PRKG1: variants seen among roughly 807,000 people sequenced by gnomAD.
PRKG1 encodes protein kinase cGMP-dependent 1.
Under a neutral mutation model 88.1 loss-of-function variants are expected in PRKG1, and 35 were observed. That is an observed-to-expected ratio of 0.40 (90% CI 0.30 to 0.53). The LOEUF is 0.53. PRKG1 is among the 20% of genes least tolerant of loss of function. The pLI is 0.59. For synonymous variants in PRKG1, 303 were observed against 292.5 expected (o/e 1.04, Z -0.37); for missense variants, 540 against 839.8 (o/e 0.64, Z 4.41).
intron 7 of PRKG1, among the ~76,000 whole-genome samples, chr10:52,113,101 T>C (rs1291894006): frequency 6.6e-6 from 1 of 152,178 alleles, no homozygotes; most frequent in African/African-American, 2.4e-5. Flanking sequence ...TAGTGTTCTT[T>C]TGAAGATTCA....
chr10:51,628,986 C>A (rs1303782594), intron 3 of PRKG1, among the ~76,000 whole-genome samples: 11 of 148,292 alleles, frequency 7.4e-5, no homozygotes, highest in East Asian at 2.0e-4. Context: ...AAAACAAAAA[C>A]AAAAACCAAA....
intron 3 of PRKG1, chr10:51,698,813 G>A (rs1022157636): frequency 6.2e-7 from 1 of 1,614,076 alleles, no homozygotes; most frequent in African/African-American, 1.3e-5. Context: ...GTCCTTCACA[G>A]GTCTTCTAGC....
intron 2 of PRKG1, among the ~76,000 whole-genome samples, chr10:51,178,434 T>C (rs1837255516): frequency 6.6e-6 from 1 of 152,084 alleles, no homozygotes; most frequent in Non-Finnish European, 1.5e-5. Flanking sequence ...AGCTCAGGAC[T>C]TAGACCAGCC....
chr10:51,526,988 CAGAT>C (rs1193768201), intron 3 of PRKG1, among the ~76,000 whole-genome samples: 7 of 152,216 alleles, frequency 4.6e-5, no homozygotes, highest in East Asian at 1.9e-4. Flanking sequence ...TTTTGTAAAA[CAGAT>C]AGCCTCTGTT....
intron 4 of PRKG1, among the ~76,000 whole-genome samples, chr10:51,805,973 G>A (rs939349458): frequency 6.6e-6 from 1 of 152,098 alleles, no homozygotes; most frequent in African/African-American, 2.4e-5. Flanking sequence ...TGGTTTTCAA[G>A]GGAATTAAAT....
At chr10:51,625,321 A>G (rs1839308040) in intron 3 of PRKG1, among the ~76,000 whole-genome samples, 1 of 152,114 alleles carries the variant, frequency 6.6e-6, no homozygotes, top group Non-Finnish European at 1.5e-5. Context: ...TATTAAAAAT[A>G]CAAAAATTAA....
chr10:52,076,123 C>A (rs1412142852), intron 7 of PRKG1, among the ~76,000 whole-genome samples: 1 of 152,162 alleles, frequency 6.6e-6, no homozygotes, highest in Admixed American at 6.5e-5. Context: ...CCATACCTTG[C>A]ACGACATACA....
In PRKG1 at chr10:51,025,945, G is replaced by T. The variant is rs994853957; in HGVS notation, c.266+34301G>T. On this transcript the variant is annotated intron_variant, in intron 1 of 17. Transcript: ENST00000401604. ...TTATAATTAGTTCAGTTAAGACAAG[G>T]TCATGCTGGAGTAGGATGGGCCCCT... Among the ~76,000 whole-genome samples, 11 of 152,246 alleles carry T rather than the reference G, an allele frequency of 7.2e-5. No homozygotes were observed. The East Asian group carries it at 1.9e-3, about 27-fold the overall frequency.
intron 1 of PRKG1, among the ~76,000 whole-genome samples, chr10:51,115,131 T>A (rs1257656417): frequency 1.3e-5 from 2 of 151,004 alleles, no homozygotes; most frequent in Admixed American, 6.6e-5. Flanking sequence ...CTGACCAACA[T>A]GGTGAAACCC....
intron 2 of PRKG1, among the ~76,000 whole-genome samples, chr10:51,444,894 A>G (rs78610126): frequency 0.033 from 5,027 of 152,042 alleles, 112 homozygotes; most frequent in Admixed American, 0.058. Context: ...TGATATTTTG[A>G]AGAACTGAGC....
intron 2 of PRKG1, among the ~76,000 whole-genome samples, chr10:51,430,669 C>G (rs1838735625): frequency 6.6e-6 from 1 of 152,154 alleles, no homozygotes; most frequent in East Asian, 1.9e-4. Flanking sequence ...ATAGCAACTT[C>G]TAATAGGCAA....
At chr10:51,601,016 A>AAGGG (rs1360672980) in intron 3 of PRKG1, among the ~76,000 whole-genome samples, 1 of 148,018 alleles carries the variant, frequency 6.8e-6, no homozygotes, top group Admixed American at 6.7e-5. Flanking sequence ...GGAAAAGAAG[A>AAGGG]AGGGAGGGAG....
intron 2 of PRKG1, among the ~76,000 whole-genome samples, chr10:51,464,775 C>T (rs968298015): frequency 6.7e-6 from 1 of 149,630 alleles, no homozygotes. Flanking sequence ...CCTGTAGTCC[C>T]AGCTACTTGG....
intron 3 of PRKG1, among the ~76,000 whole-genome samples, chr10:51,539,999 G>C (rs919839889): frequency 2.6e-5 from 4 of 152,088 alleles, no homozygotes; most frequent in African/African-American, 9.7e-5. Context: ...TTGAAAATAT[G>C]TTTCTTATTA....
At chr10:51,333,329 G>A (rs1448804400) in intron 2 of PRKG1, among the ~76,000 whole-genome samples, 1 of 152,208 alleles carries the variant, frequency 6.6e-6, no homozygotes, top group Admixed American at 6.5e-5. Flanking sequence ...TGCTTACTAT[G>A]TGCCAGGCAC....
intron 3 of PRKG1, among the ~76,000 whole-genome samples, chr10:51,567,710 C>T (rs1432079777): frequency 6.6e-6 from 1 of 152,028 alleles, no homozygotes; most frequent in Non-Finnish European, 1.5e-5. Context: ...CCTCAGTCTC[C>T]CAAGTAGCTG....
chr10:51,664,404 A>C (rs1381450677), intron 3 of PRKG1, among the ~76,000 whole-genome samples: 1 of 152,200 alleles, frequency 6.6e-6, no homozygotes, highest in Non-Finnish European at 1.5e-5. Context: ...GTTCTTCCAC[A>C]GGAATCTCTT....
intron 9 of PRKG1, among the ~76,000 whole-genome samples, chr10:52,200,995 C>T (rs892201374): frequency 7.2e-5 from 11 of 152,120 alleles, no homozygotes; most frequent in South Asian, 2.1e-4. Flanking sequence ...TTCTTCCATT[C>T]TGTAGGTTAT....
chr10:51,846,560 C>T (rs1346161528), intron 4 of PRKG1, among the ~76,000 whole-genome samples: 1 of 152,138 alleles, frequency 6.6e-6, no homozygotes, highest in African/African-American at 2.4e-5. Context: ...TTCTAATTGC[C>T]TTTTTCTGCC....
Sources: allele counts gnomAD v4.1 joint callset (sites outside exome capture counted in the v4.1 genomes callset), GRCh38; gene constraint gnomAD v4.1.1; transcripts MANE v1.5; gene names NCBI Gene and HGNC (gene_info 2026-07-23, HGNC 2026-07-21).